The following PTPN1 variants were observed in gnomAD, a reference collection of about 807,000 sequenced individuals.
The protein encoded by PTPN1 is protein tyrosine phosphatase non-receptor type 1.
Under a neutral mutation model 59.9 loss-of-function variants are expected in PTPN1, and 12 were observed. The observed-to-expected ratio is 0.20, with a 90% CI of 0.13 to 0.32. The LOEUF (loss-of-function observed/expected upper bound fraction) is 0.32, where lower values mean the gene tolerates loss of function less well. Ranked by LOEUF, PTPN1 falls within the 10% of genes least tolerant of loss-of-function variation. The pLI is 1.00. For missense variants in PTPN1, 356 were observed against 549.2 expected, an observed-to-expected ratio of 0.65 and a Z score of 3.52; for synonymous variants, 178 against 203.6, an observed-to-expected ratio of 0.87 and a Z score of 1.07.
In PTPN1 at chr20:50,578,125, C is replaced by T. The variant is rs1404643281; in HGVS notation, c.493-295C>T. ...TGTGACTCGTGAGACAGAGAGAAAC[C>T]AGTTGTAACCATGTAGACAGTGGAA... On this transcript the variant is annotated intron_variant, in intron 5 of 9. Coordinates refer to ENST00000371621, the MANE Select transcript of PTPN1 (RefSeq NM_002827.4). 5 of 269,070 alleles carry T rather than the reference C, an allele frequency of 1.9e-5. 1 individual carries two copies. The highest frequency in any genetic ancestry group is 3.6e-5 in the Non-Finnish European group (5 of 139,840). The allele number at this position is 269,070 out of a possible 1,614,324, so 16.7% of individuals were successfully genotyped here.
chr20:50,536,410 C>T (rs2082624399), intron 1 of PTPN1, among the ~76,000 whole-genome samples: 1 of 152,134 alleles, frequency 6.6e-6, no homozygotes, highest in African/African-American at 2.4e-5. Context: ...GAAACAGTCA[C>T]ACAAATGATT....
intron 1 of PTPN1, among the ~76,000 whole-genome samples, chr20:50,558,906 T>G (rs2122773822): frequency 6.6e-6 from 1 of 152,272 alleles, no homozygotes; most frequent in African/African-American, 2.4e-5. Flanking sequence ...CCATCCCCCA[T>G]GTATCCTATA....
At position 50,554,380 on chromosome 20, in the gene PTPN1, A is replaced by ATTCTCTCTCTCTCTCTCTCTCTCTCTC. The variant is rs11481722; in HGVS notation, c.64-6982_64-6981insTCTCTCTCTCTCTCTCTCTCTCTCTCT. On this transcript the variant is annotated intron_variant, in intron 1 of 9. Coordinates refer to ENST00000371621, the MANE Select transcript of PTPN1 (RefSeq NM_002827.4). The stretch of plus-strand genomic sequence containing the variant: ...CCAGCCTAGGCAACAGCAAGACCAC[A>ATTCTCTCTCTCTCTCTCTCTCTCTCTC]TCTCTCTCTCTCTCTCTCTCTCTCT... Among the ~76,000 whole-genome samples the ATTCTCTCTCTCTCTCTCTCTCTCTCTC allele has an allele frequency of 4.2e-3, 593 of 140,252 alleles. 19 individuals are homozygous for ATTCTCTCTCTCTCTCTCTCTCTCTCTC. Among genetic ancestry groups the ATTCTCTCTCTCTCTCTCTCTCTCTCTC allele is most frequent in the East Asian group, 0.017 (80 of 4,618 alleles). 92.0% of individuals were successfully genotyped at this position (140,252 alleles called of 152,430 possible).
intron 1 of PTPN1, among the ~76,000 whole-genome samples, chr20:50,556,590 T>C (rs1040299925): frequency 1.3e-5 from 2 of 152,228 alleles, no homozygotes; most frequent in Non-Finnish European, 2.9e-5. Context: ...AATGTGGACA[T>C]TTTTTAAATC....
At chr20:50,562,223 G>A (rs923986100) in intron 2 of PTPN1, among the ~76,000 whole-genome samples, 2 of 152,160 alleles carry the variant, frequency 1.3e-5, no homozygotes, top group East Asian at 1.9e-4. Context: ...CCATGGTAGC[G>A]TGCTCTGCCA....
chr20:50,543,575 C>A (rs1172182279), intron 1 of PTPN1, among the ~76,000 whole-genome samples: 2 of 152,096 alleles, frequency 1.3e-5, no homozygotes, highest in East Asian at 1.9e-4. Flanking sequence ...TACACAAACA[C>A]AAAGAAGACA....
At chr20:50,555,354 C>T (rs1401177042) in intron 1 of PTPN1, among the ~76,000 whole-genome samples, 1 of 152,124 alleles carries the variant, frequency 6.6e-6, no homozygotes, top group Non-Finnish European at 1.5e-5. Flanking sequence ...CAATACAAAG[C>T]AGACTGTGGT....
At chr20:50,545,468 T>G (rs80303451) in intron 1 of PTPN1, among the ~76,000 whole-genome samples, 1,738 of 152,348 alleles carry the variant, frequency 0.011, 11 homozygotes, top group Non-Finnish European at 0.019. Flanking sequence ...AGCAATATCC[T>G]AAATTAGCGC....
At chr20:50,528,759 G>C (rs1046578256) in intron 1 of PTPN1, among the ~76,000 whole-genome samples, 1 of 142,984 alleles carries the variant, frequency 7.0e-6, no homozygotes, top group African/African-American at 2.6e-5. Flanking sequence ...AAAGAAAAAA[G>C]AAAGAAAATA....
intron 6 of PTPN1, 52 bp downstream of exon 6, chr20:50,578,681 T>C: frequency 6.8e-7 from 1 of 1,473,274 alleles, no homozygotes; most frequent in South Asian, 1.2e-5. Context: ...TGCTCTGCTG[T>C]GATGTTTTTT....
chr20:50,540,016 T>G (rs2082643273), intron 1 of PTPN1, among the ~76,000 whole-genome samples: 1 of 152,118 alleles, frequency 6.6e-6, no homozygotes, highest in Admixed American at 6.6e-5. Flanking sequence ...GTCGTCTGTT[T>G]CTTTCACTTC....
At chr20:50,547,655 C>T (rs1170519084) in intron 1 of PTPN1, among the ~76,000 whole-genome samples, 1 of 152,200 alleles carries the variant, frequency 6.6e-6, no homozygotes. Context: ...AGCCACTGCA[C>T]CCGGCCGTGT....
chr20:50,539,634 C>G (rs987944531), intron 1 of PTPN1, among the ~76,000 whole-genome samples: 10 of 146,198 alleles, frequency 6.8e-5, no homozygotes, highest in Non-Finnish European at 1.3e-4. Flanking sequence ...GATTTTTTCC[C>G]TCTTTCTCTC....
intron 5 of PTPN1, among the ~76,000 whole-genome samples, chr20:50,576,700 C>G (rs1312401386): frequency 1.3e-5 from 2 of 150,166 alleles, no homozygotes; most frequent in African/African-American, 4.9e-5. Flanking sequence ...AACCCCATCT[C>G]TACTAAAAAT....
At chr20:50,563,723 G>A (rs2082764637) in intron 2 of PTPN1, among the ~76,000 whole-genome samples, 1 of 152,112 alleles carries the variant, frequency 6.6e-6, no homozygotes, top group Admixed American at 6.5e-5. Flanking sequence ...TTGGACCTAG[G>A]GAGAAGGTAC....
chr20:50,574,633 G>A lies in PTPN1; in HGVS notation c.471G>A (p.Gln157=). The A allele has an allele frequency of 6.2e-7, 1 of 1,603,516 alleles. No homozygotes were observed. Among genetic ancestry groups the A allele is most frequent in the South Asian group, 1.1e-5 (1 of 88,438 alleles). The change falls in exon 5 of 10, where the codon CAG becomes CAA. Residue 157 remains glutamine (Q), a synonymous_variant. Transcript: ENST00000371621. The part of the protein sequence containing the change: ...EDIKSYYTVR[Q]LELENLTTQE... ...TCAAGTCATATTATACAGTGCGACA[G>A]CTAGAATTGGAAAACCTTACAGTGA... is the stretch of plus-strand genomic sequence containing the variant.
At chr20:50,549,212 C>G (rs916753932) in intron 1 of PTPN1, among the ~76,000 whole-genome samples, 1 of 152,124 alleles carries the variant, frequency 6.6e-6, no homozygotes, top group Admixed American at 6.5e-5. Flanking sequence ...GTTTTTGAGC[C>G]TAGCTGTGCC....
chr20:50,523,769 G>A (rs2082561428), intron 1 of PTPN1, among the ~76,000 whole-genome samples: 1 of 152,146 alleles, frequency 6.6e-6, no homozygotes. Flanking sequence ...CTGTGGGGAT[G>A]CTCAGGAAAA....
chr20:50,581,497 C>T (rs546287215), intron 9 of PTPN1, 37 bp downstream of exon 9: 14 of 1,571,108 alleles, frequency 8.9e-6, no homozygotes, highest in South Asian at 2.3e-5. Flanking sequence ...GCGAGATGCT[C>T]GTGTGCAGAG....
Sources: gnomAD v4.1 joint callset for allele counts (sites outside exome capture counted in the v4.1 genomes callset) on GRCh38, gnomAD v4.1.1 for gene constraint, MANE v1.5 for transcripts, NCBI Gene and HGNC (gene_info 2026-07-23, HGNC 2026-07-21) for gene names.